DYNC2LI1: variants seen among roughly 807,000 people sequenced by gnomAD.
DYNC2LI1 encodes the protein cytoplasmic dynein 2 light intermediate chain 1.
In DYNC2LI1, 45 loss-of-function variants were observed where a neutral mutation model predicts 51.9. That is an observed-to-expected ratio of 0.87 (90% confidence interval 0.68 to 1.11). The LOEUF is 1.11. Among genes scored for constraint, DYNC2LI1 ranks in the 50% most tolerant of loss-of-function variants. DYNC2LI1 has a pLI of 0.00. For synonymous variants in DYNC2LI1, 130 were observed against 137.8 expected, an observed-to-expected ratio of 0.94 and a Z score of 0.40; for missense variants, 490 against 417.4, an observed-to-expected ratio of 1.17 and a Z score of -1.51.
the DYNC2LI1 span, chr2:43,820,241 C>T: frequency 1.0e-6 from 1 of 987,356 alleles, no homozygotes; most frequent in Non-Finnish European, 1.5e-6. Flanking sequence ...CTTTGAAAGG[C>T]CGTTTTGGAA....
chr2:43,825,260 G>A, the DYNC2LI1 span, among the ~76,000 whole-genome samples: 1 of 152,180 alleles, frequency 6.6e-6, no homozygotes, highest in Non-Finnish European at 1.5e-5. Flanking sequence ...TGTGGGTCAT[G>A]CTGCCTCCCA....
intron 12 of DYNC2LI1, among the ~76,000 whole-genome samples, chr2:43,807,418 T>G (rs1027633996): frequency 6.6e-6 from 1 of 152,178 alleles, no homozygotes; most frequent in African/African-American, 2.4e-5. Flanking sequence ...AAGCACTTGC[T>G]GAGCCCTTCT....
chr2:43,810,754 G>A (rs141254604), downstream of DYNC2LI1, among the ~76,000 whole-genome samples: 272 of 152,282 alleles, frequency 1.8e-3, no homozygotes, highest in African/African-American at 6.2e-3. Flanking sequence ...ATGTTTCCAA[G>A]GAACCTCAGT....
At position 43,794,522 on chromosome 2, in the gene DYNC2LI1, A is replaced by T; in HGVS notation, c.386A>T (p.Asn129Ile). The change falls in exon 6 of 13, where the codon AAT (asparagine) becomes ATT (isoleucine). Residue 129 changes from asparagine (N) to isoleucine (I), a missense_variant. Transcript: ENST00000260605. ...AATGATCTCTGGCCCACCATGGAAAATCTCTTGCAAGCCACAAAAAGCCAT... is the reference window on the plus strand; with the variant it reads ...AATGATCTCTGGCCCACCATGGAAATTCTCTTGCAAGCCACAAAAAGCCAT... ...KPNDLWPTME[N>I]LLQATKSHVD... The T allele has an allele frequency of 6.2e-7, 1 of 1,613,984 alleles. No individual in the cohort carries two copies. The highest frequency in any genetic ancestry group is 8.5e-7 in the Non-Finnish European group (1 of 1,179,982).
At chr2:43,824,522 A>G in the DYNC2LI1 span, 2 of 1,596,102 alleles carry the variant, frequency 1.3e-6, no homozygotes, top group African/African-American at 1.3e-5. Context: ...TACTGGCCAT[A>G]ATACCTCATC....
intron 2 of DYNC2LI1, among the ~76,000 whole-genome samples, chr2:43,780,339 G>A (rs1304891945): frequency 6.6e-6 from 1 of 152,138 alleles, no homozygotes; most frequent in African/African-American, 2.4e-5. Context: ...ATGTCAGGTG[G>A]ATTGCCAAGA....
the DYNC2LI1 span, among the ~76,000 whole-genome samples, chr2:43,818,781 G>C: frequency 6.6e-6 from 1 of 152,082 alleles, no homozygotes; most frequent in Admixed American, 6.5e-5. Flanking sequence ...ATCTCACTTC[G>C]TATAACTCAC....
chr2:43,794,966 C>A (rs1673966204), intron 6 of DYNC2LI1: 1 of 1,243,590 alleles, frequency 8.0e-7, no homozygotes, highest in Non-Finnish European at 1.0e-6. Context: ...CCAGATTGTA[C>A]AAAAGTCACC....
chr2:43,824,462 A>T, the DYNC2LI1 span: 24 of 1,611,136 alleles, frequency 1.5e-5, no homozygotes, highest in Non-Finnish European at 1.9e-5. Context: ...GATGTCACCC[A>T]TGTGTTTTTA....
At chr2:43,810,983 T>C (rs1197539662), downstream of DYNC2LI1, among the ~76,000 whole-genome samples, 1 of 152,244 alleles carries the variant, frequency 6.6e-6, no homozygotes, top group African/African-American at 2.4e-5. Context: ...CCATTGTGTT[T>C]TTCTAAGGTG....
chr2:43,811,600 CTT>C (rs796634082), downstream of DYNC2LI1, among the ~76,000 whole-genome samples: 6 of 144,292 alleles, frequency 4.2e-5, no homozygotes, highest in Non-Finnish European at 7.7e-5. Flanking sequence ...AATACAGAAC[CTT>C]TTTTTTTTTT....
chr2:43,828,153 C>T, the DYNC2LI1 span: 1 of 1,613,130 alleles, frequency 6.2e-7, no homozygotes, highest in Non-Finnish European at 8.5e-7. Context: ...CTGGGAGTCT[C>T]TGTGGCTGCT....
At chr2:43,777,029 A>ATTTTT (rs1673059148) in intron 2 of DYNC2LI1, 130 bp downstream of exon 2, 2 of 487,836 alleles carry the variant, frequency 4.1e-6, no homozygotes, top group Admixed American at 6.7e-5. Context: ...AGCATGAATT[A>ATTTTT]AAAAGTGCTT....
chr2:43,807,355 A>T (rs1666299828), intron 12 of DYNC2LI1, among the ~76,000 whole-genome samples: 1 of 152,112 alleles, frequency 6.6e-6, no homozygotes, highest in African/African-American at 2.4e-5. Context: ...TCTGTTTTTT[A>T]AAAGTCCTCT....
intron 9 of DYNC2LI1, 93 bp downstream of exon 9, chr2:43,801,010 C>G (rs1427962223): frequency 1.1e-5 from 7 of 657,686 alleles, no homozygotes; most frequent in African/African-American, 7.5e-5. Context: ...TCTCTTGTGT[C>G]TTGACCAGGA....
At chr2:43,808,606 C>T (rs1257260993) in intron 12 of DYNC2LI1, among the ~76,000 whole-genome samples, 2 of 152,152 alleles carry the variant, frequency 1.3e-5, no homozygotes, top group African/African-American at 4.8e-5. Flanking sequence ...TAGCCACCTC[C>T]ACTAAAATTT....
downstream of DYNC2LI1, among the ~76,000 whole-genome samples, chr2:43,813,955 G>A (rs1487241190): frequency 1.3e-5 from 2 of 151,930 alleles, no homozygotes; most frequent in Non-Finnish European, 1.5e-5. Flanking sequence ...TTGACCTCAA[G>A]TGATCCAACC....
intron 1 of DYNC2LI1, chr2:43,775,596 C>T (rs138828859): frequency 0.013 from 3,607 of 273,508 alleles, 86 homozygotes; most frequent in African/African-American, 0.061. Flanking sequence ...CTCCAGGGCT[C>T]AGGCAATCCT....
the DYNC2LI1 span, chr2:43,823,807 T>C: frequency 7.4e-7 from 1 of 1,345,232 alleles, no homozygotes; most frequent in Non-Finnish European, 1.0e-6. Flanking sequence ...GGGCTGGGTT[T>C]AGCTCAGAGA....
Sources: allele counts gnomAD v4.1 joint callset (sites outside exome capture counted in the v4.1 genomes callset), GRCh38; gene constraint gnomAD v4.1.1; transcripts MANE v1.5; gene names NCBI Gene and HGNC (gene_info 2026-07-23, HGNC 2026-07-21).